Variants in TBC1D5 observed in about 807,000 individuals in gnomAD.
TBC1D5 encodes TBC1 domain family member 5, also known as TBC1 domain family, member 5.
TBC1D5 carries 75 observed loss-of-function variants against 100.3 expected under a neutral mutation model. The ratio of observed to expected loss-of-function variants is 0.75; its 90% confidence interval spans 0.62 to 0.91. The LOEUF is 0.91. Ranked by LOEUF, TBC1D5 falls within the 40% of genes least tolerant of loss-of-function variation. TBC1D5 has a pLI of 0.00. For synonymous variants in TBC1D5, 323 were observed against 325.6 expected (o/e 0.99, Z 0.09); for missense variants, 910 against 942.4 (o/e 0.97, Z 0.45).
chr3:17,261,461 CT>C (rs2078271228), intron 15 of TBC1D5, among the ~76,000 whole-genome samples: 1 of 38,944 alleles, frequency 2.6e-5, no homozygotes, highest in Non-Finnish European at 4.5e-5. Context: ...ATACTTGCTC[CT>C]TTTTTGGGGG....
At chr3:17,697,226 T>G (rs894852014) in intron 1 of TBC1D5, among the ~76,000 whole-genome samples, 3 of 152,204 alleles carry the variant, frequency 2.0e-5, no homozygotes, top group Non-Finnish European at 4.4e-5. Flanking sequence ...ACCACTCGTA[T>G]TCAACATAGG....
chr3:17,485,852 T>C (rs912829441), intron 3 of TBC1D5, among the ~76,000 whole-genome samples: 9 of 152,150 alleles, frequency 5.9e-5, no homozygotes, highest in Admixed American at 5.2e-4. Flanking sequence ...TTTGGGTATA[T>C]ACCCAGTAAT....
chr3:17,302,321 A>C (rs893543137), intron 14 of TBC1D5, among the ~76,000 whole-genome samples: 1 of 152,042 alleles, frequency 6.6e-6, no homozygotes, highest in Non-Finnish European at 1.5e-5. Context: ...CCCTCTGTGC[A>C]TGTCTCTTGC....
intron 14 of TBC1D5, among the ~76,000 whole-genome samples, chr3:17,292,793 T>C (rs992614908): frequency 3.3e-5 from 5 of 152,238 alleles, no homozygotes; most frequent in African/African-American, 9.6e-5. Context: ...TCCACAGCAC[T>C]GACTGTGAAG....
intron 13 of TBC1D5, among the ~76,000 whole-genome samples, chr3:17,325,850 C>A (rs1014707594): frequency 2.6e-5 from 4 of 151,952 alleles, no homozygotes; most frequent in African/African-American, 9.7e-5. Context: ...TATGTGTCTG[C>A]CAAACTATAT....
At position 17,238,423 on chromosome 3, in the gene TBC1D5, T is replaced by C. The variant is rs374724589; in HGVS notation, c.1332-4A>G. On this transcript the variant is annotated splice_polypyrimidine_tract_variant and splice_region_variant and intron_variant, in intron 16 of 21. Coordinates refer to ENST00000253692, the Ensembl canonical transcript of TBC1D5. ...GGGAGCACCTTTGGCATTGGTCCTGTTAAAAAAAGAAATGGAGAAGCATTA... is the reference window on the plus strand; with the variant it reads ...GGGAGCACCTTTGGCATTGGTCCTGCTAAAAAAAGAAATGGAGAAGCATTA... 15 of 1,602,060 alleles carry C rather than the reference T, an allele frequency of 9.4e-6. No individual in the cohort carries two copies. Among genetic ancestry groups the C allele is most frequent in the South Asian group, 5.6e-5 (5 of 89,350 alleles).
chr3:17,563,781 T>C (rs980947773), intron 2 of TBC1D5, among the ~76,000 whole-genome samples: 4 of 152,128 alleles, frequency 2.6e-5, no homozygotes, highest in Non-Finnish European at 4.4e-5. Flanking sequence ...TTTTTGTTTT[T>C]TGTTTTTTTG....
rs557757456 is a variant in TBC1D5 at position 17,598,350 on chromosome 3, C to A, written c.-36+25499G>T. Among the ~76,000 whole-genome samples the A allele has an allele frequency of 9.9e-5, 15 of 152,204 alleles. No homozygotes were observed. In the East Asian group the frequency reaches 2.7e-3, roughly 27 times the overall value. ...TCTTCTTGTAAGTATGTCCTTGGAA[C>A]TAAGATAAAAACAAGATTTTTGAAG... On this transcript the variant is annotated intron_variant, in intron 2 of 21. Coordinates refer to ENST00000253692, the Ensembl canonical transcript of TBC1D5.
At chr3:17,475,820 T>C (rs182738184) in intron 3 of TBC1D5, among the ~76,000 whole-genome samples, 477 of 152,240 alleles carry the variant, frequency 3.1e-3, no homozygotes, top group Non-Finnish European at 5.5e-3. Flanking sequence ...TCATATTCAA[T>C]TTTCTTGTAA....
chr3:17,565,784 C>G (rs2096589953), intron 2 of TBC1D5, among the ~76,000 whole-genome samples: 1 of 151,748 alleles, frequency 6.6e-6, no homozygotes, highest in African/African-American at 2.4e-5. Context: ...AAAACTTTGC[C>G]AAAGGAAATA....
At chr3:17,518,698 C>T (rs966180495) in intron 2 of TBC1D5, among the ~76,000 whole-genome samples, 1 of 152,252 alleles carries the variant, frequency 6.6e-6, no homozygotes, top group South Asian at 2.1e-4. Context: ...TGGCAGAGGG[C>T]AGCTGCCTCA....
At chr3:17,384,340 C>T (rs17200839) in intron 8 of TBC1D5, among the ~76,000 whole-genome samples, 74,642 of 151,814 alleles carry the variant, frequency 0.49, 19,827 homozygotes, top group African/African-American at 0.67. Flanking sequence ...TTTTAGCCCA[C>T]TGGTTTTTAG....
intron 9 of TBC1D5, among the ~76,000 whole-genome samples, chr3:17,381,405 C>T (rs544547560): frequency 8.6e-5 from 13 of 151,704 alleles, no homozygotes; most frequent in Non-Finnish European, 1.8e-4. Context: ...TCTTTTACTA[C>T]GGGGTATTTT....
intron 2 of TBC1D5, among the ~76,000 whole-genome samples, chr3:17,539,177 A>C (rs1007924459): frequency 1.3e-5 from 2 of 152,156 alleles, no homozygotes; most frequent in African/African-American, 4.8e-5. Context: ...TCAAAAAATA[A>C]AAAATACAAA....
At chr3:17,497,048 G>A (rs763934387) in intron 3 of TBC1D5, among the ~76,000 whole-genome samples, 27 of 149,464 alleles carry the variant, frequency 1.8e-4, no homozygotes, top group Non-Finnish European at 3.4e-4. Flanking sequence ...GCTCTGTTTA[G>A]ACAGATGCCT....
chr3:17,211,551 G>A (rs1036997192), intron 18 of TBC1D5, among the ~76,000 whole-genome samples: 40 of 152,158 alleles, frequency 2.6e-4, no homozygotes, highest in African/African-American at 7.5e-4. Context: ...CTGACCAGTT[G>A]TCATGTCTTC....
exon 22 of TBC1D5, chr3:17,158,758 ACT>A (rs1286531282): frequency 6.6e-6 from 1 of 152,016 alleles, no homozygotes; most frequent in African/African-American, 2.4e-5. Flanking sequence ...GTGCCTAGTG[ACT>A]CTTGCAGGGC....
intron 1 of TBC1D5, among the ~76,000 whole-genome samples, chr3:17,729,147 C>T (rs2153982497): frequency 6.6e-6 from 1 of 150,846 alleles, no homozygotes; most frequent in South Asian, 2.1e-4. Flanking sequence ...CAATGATTTA[C>T]AACACCCTCT....
intron 9 of TBC1D5, among the ~76,000 whole-genome samples, chr3:17,381,904 T>C (rs1389220652): frequency 1.3e-5 from 2 of 152,084 alleles, no homozygotes; most frequent in South Asian, 2.1e-4. Context: ...AATCCACATA[T>C]AGCACGTCAA....
Sources: gnomAD v4.1 joint callset for allele counts (sites outside exome capture counted in the v4.1 genomes callset) on GRCh38, gnomAD v4.1.1 for gene constraint, MANE v1.5 for transcripts, NCBI Gene and HGNC (gene_info 2026-07-23, HGNC 2026-07-21) for gene names.